STX8: variants seen among roughly 807,000 people sequenced by gnomAD.
The protein encoded by STX8 is syntaxin 8, also known as syntaxin-8.
Under a neutral mutation model 37.5 loss-of-function variants are expected in STX8, and 23 were observed. The ratio of observed to expected loss-of-function variants is 0.61; its 90% confidence interval spans 0.44 to 0.87. The LOEUF is 0.87. STX8 is among the 40% of genes least tolerant of loss of function. The probability of loss-of-function intolerance (pLI) is 0.00; values close to 1 mark genes in which losing one functional copy is unlikely to be tolerated. For synonymous variants in STX8, 115 were observed against 99.1 expected, an observed-to-expected ratio of 1.16 and a Z score of -0.95; for missense variants, 313 against 284.7, an observed-to-expected ratio of 1.10 and a Z score of -0.71.
intron 6 of STX8, among the ~76,000 whole-genome samples, chr17:9,489,691 C>CTTTTTTTT (rs4063411): frequency 0.029 from 3,678 of 127,222 alleles, 275 homozygotes; most frequent in African/African-American, 0.088. Flanking sequence ...GCTTACTTTC[C>CTTTTTTTT]TTTTTTTTTT....
chr17:9,558,910 A>C (rs766425661), intron 2 of STX8, among the ~76,000 whole-genome samples: 9 of 152,174 alleles, frequency 5.9e-5, no homozygotes, highest in Non-Finnish European at 1.0e-4. Context: ...CACAAAATCA[A>C]AGACAAAAGC....
intron 7 of STX8, among the ~76,000 whole-genome samples, chr17:9,373,266 T>G (rs1353992413): frequency 1.3e-5 from 2 of 152,200 alleles, no homozygotes; most frequent in Non-Finnish European, 2.9e-5. Flanking sequence ...CAACTCCACT[T>G]CTGTATATAT....
chr17:9,419,925 A>T (rs1913361427), intron 6 of STX8, among the ~76,000 whole-genome samples: 1 of 152,224 alleles, frequency 6.6e-6, no homozygotes, highest in Admixed American at 6.5e-5. Flanking sequence ...ACTTTTCAGT[A>T]ATTGTGTAAA....
At chr17:9,574,204 G>C (rs1907800758) in intron 1 of STX8, among the ~76,000 whole-genome samples, 1 of 151,462 alleles carries the variant, frequency 6.6e-6, no homozygotes, top group Non-Finnish European at 1.5e-5. Context: ...CCAGGAGGTG[G>C]AGGTTGCAGT....
chr17:9,574,320 T>C (rs1254505024), intron 1 of STX8, among the ~76,000 whole-genome samples: 1 of 139,610 alleles, frequency 7.2e-6, no homozygotes, highest in Non-Finnish European at 1.5e-5. Flanking sequence ...TCAAAGAATG[T>C]CCAATGACAT....
At chr17:9,253,207 G>T (rs796097939) in intron 7 of STX8, among the ~76,000 whole-genome samples, 92 of 141,028 alleles carry the variant, frequency 6.5e-4, no homozygotes, top group African/African-American at 2.4e-3. Flanking sequence ...CAGGGGTAGG[G>T]GTGTGTGTGT....
At chr17:9,475,542 C>T (rs1906064480) in intron 6 of STX8, among the ~76,000 whole-genome samples, 1 of 152,128 alleles carries the variant, frequency 6.6e-6, no homozygotes, top group Non-Finnish European at 1.5e-5. Flanking sequence ...GCAGTACTTG[C>T]CCCCAGCTGG....
intron 7 of STX8, among the ~76,000 whole-genome samples, chr17:9,362,841 AAATAAAT>A (rs1409382220): frequency 1.0e-4 from 11 of 105,914 alleles, no homozygotes; most frequent in African/African-American, 3.4e-4. Flanking sequence ...AAAAAAAAAA[AAATAAAT>A]AAATAAATAA....
intron 4 of STX8, among the ~76,000 whole-genome samples, chr17:9,535,424 C>CCTTTT (rs1905992804): frequency 1.9e-5 from 1 of 51,550 alleles, no homozygotes; most frequent in African/African-American, 7.4e-5. Flanking sequence ...AGCCATCCTA[C>CCTTTT]TTTTTTTTTT....
chr17:9,370,726 T>C (rs1210511509), intron 7 of STX8, among the ~76,000 whole-genome samples: 2 of 152,166 alleles, frequency 1.3e-5, no homozygotes, highest in African/African-American at 2.4e-5. Context: ...AGTCTGGTCT[T>C]TCACAATTGG....
chr17:9,445,438 GA>G (rs1904804684), intron 6 of STX8, among the ~76,000 whole-genome samples: 3 of 143,646 alleles, frequency 2.1e-5, no homozygotes, highest in African/African-American at 7.7e-5. Flanking sequence ...GTCTCAGAAA[GA>G]AGAATGGCAT....
chr17:9,575,481 T>C (rs1165583841), intron 1 of STX8, among the ~76,000 whole-genome samples: 1 of 152,176 alleles, frequency 6.6e-6, no homozygotes, highest in Non-Finnish European at 1.5e-5. Context: ...ACCAGCCAGC[T>C]AGCTCCAAAA....
chr17:9,391,499 A>G (rs1367217612), intron 6 of STX8, among the ~76,000 whole-genome samples: 1 of 152,154 alleles, frequency 6.6e-6, no homozygotes, highest in African/African-American at 2.4e-5. Context: ...CTGGGGGGAA[A>G]AGGTACATAA....
intron 2 of STX8, among the ~76,000 whole-genome samples, 190 bp downstream of exon 2, chr17:9,568,181 G>A (rs944348025): frequency 1.3e-5 from 2 of 152,162 alleles, no homozygotes; most frequent in South Asian, 2.1e-4. Flanking sequence ...GAACTTAAAT[G>A]TGTTATGCCT....
chr17:9,410,257 T>C (rs548923478), intron 6 of STX8, among the ~76,000 whole-genome samples: 19 of 152,258 alleles, frequency 1.2e-4, no homozygotes, highest in Non-Finnish European at 2.2e-4. Flanking sequence ...AGTTAATTTC[T>C]ATTTCAAATT....
intron 6 of STX8, among the ~76,000 whole-genome samples, chr17:9,415,754 G>A (rs890147791): frequency 2.0e-5 from 3 of 152,076 alleles, no homozygotes; most frequent in Non-Finnish European, 2.9e-5. Flanking sequence ...GACTGACAGG[G>A]CAAGACTCCG....
At chr17:9,447,489 C>A (rs1346706275) in intron 6 of STX8, among the ~76,000 whole-genome samples, 2 of 152,206 alleles carry the variant, frequency 1.3e-5, no homozygotes, top group Non-Finnish European at 2.9e-5. Flanking sequence ...GTGACGCAAT[C>A]TCAGCTCACT....
In STX8 at chr17:9,533,393, G is replaced by A. The variant is rs112233308; in HGVS notation, c.323+11779C>T. 3.3e-5 allele frequency among the ~76,000 whole-genome samples: 5 copies of A among 152,280 alleles called. 1 individual carries two copies. Among genetic ancestry groups the A allele is most frequent in the African/African-American group, 7.2e-5 (3 of 41,558 alleles). ...GAGGCAGGAGAATCACTGGAACCTC[G>A]GAGGCAGAGGCTGCAGTGAGCCAAG... is the stretch of plus-strand genomic sequence containing the variant. On this transcript the variant is annotated intron_variant, in intron 4 of 7. Coordinates refer to ENST00000306357, the MANE Select transcript of STX8 (RefSeq NM_004853.3).
chr17:9,555,100 T>C (rs1821027970), intron 3 of STX8: 1 of 152,204 alleles, frequency 6.6e-6, no homozygotes, highest in Non-Finnish European at 1.5e-5. Context: ...TGATGTCTCC[T>C]GGTAAATTCT....
Sources: allele counts gnomAD v4.1 joint callset (sites outside exome capture counted in the v4.1 genomes callset), GRCh38; gene constraint gnomAD v4.1.1; transcripts MANE v1.5; gene names NCBI Gene and HGNC (gene_info 2026-07-23, HGNC 2026-07-21).